The following ADCY3 variants were observed in gnomAD, a reference collection of about 807,000 sequenced individuals.
The protein encoded by ADCY3 is adenylate cyclase 3.
In ADCY3, 70 loss-of-function variants were observed where a neutral mutation model predicts 119.4. That is an observed-to-expected ratio of 0.59 (90% confidence interval 0.48 to 0.72). The LOEUF (loss-of-function observed/expected upper bound fraction) is 0.72, where lower values mean the gene tolerates loss of function less well. ADCY3 is among the 30% of genes least tolerant of loss of function. ADCY3 has a pLI of 0.00. For synonymous variants in ADCY3, 672 were observed against 621.4 expected (o/e 1.08, Z -1.21); for missense variants, 1,238 against 1,541.6 (o/e 0.80, Z 3.30).
intron 8 of ADCY3, among the ~76,000 whole-genome samples, chr2:24,838,141 C>A (rs1453540141): frequency 6.6e-6 from 1 of 151,398 alleles, no homozygotes; most frequent in African/African-American, 2.4e-5. Context: ...TGCAGGAGAC[C>A]CTGAGCCCCA....
At chr2:24,913,478 G>A (rs1294368841) in intron 2 of ADCY3, among the ~76,000 whole-genome samples, 1 of 152,204 alleles carries the variant, frequency 6.6e-6, no homozygotes, top group Non-Finnish European at 1.5e-5. Flanking sequence ...GAGAAAGAGA[G>A]GCTTTCAGGG....
At chr2:24,826,397 C>G (rs1439367446) in intron 15 of ADCY3, 2 of 394,044 alleles carry the variant, frequency 5.1e-6, no homozygotes, top group Non-Finnish European at 4.6e-6. Flanking sequence ...TTAAGAAACA[C>G]TGCATTGCCT....
rs1675128432 is a variant in ADCY3 at position 24,872,395 on chromosome 2, C to G, written c.825+175G>C. The stretch of plus-strand genomic sequence containing the variant: ...TGAGAGGCTCCCTGAAGCTCAGAAG[C>G]TGCCCTCTAATAGTGAGGAGCCCAG... On this transcript the variant is annotated intron_variant, in intron 3 of 21. Coordinates refer to ENST00000679454, the MANE Select transcript of ADCY3 (RefSeq NM_004036.5). The surrounding 1 kb of genome is among the most constrained non-coding windows in gnomAD (Gnocchi z 4.4). Among the ~76,000 whole-genome samples, 1 of 152,206 alleles carries G rather than the reference C, an allele frequency of 6.6e-6. No homozygotes were observed. The highest frequency in any genetic ancestry group is 1.5e-5 in the Non-Finnish European group (1 of 68,038).
At chr2:24,833,559 C>T (rs576255174) in intron 11 of ADCY3, among the ~76,000 whole-genome samples, 8 of 152,354 alleles carry the variant, frequency 5.3e-5, no homozygotes, top group East Asian at 1.9e-4. Flanking sequence ...TACTTACTCT[C>T]GCATGGATGC....
chr2:24,886,929 C>T lies in ADCY3; in HGVS notation c.676-14210G>A, dbSNP rs537045859. Among the ~76,000 whole-genome samples, 3 of 152,286 alleles carry T rather than the reference C, an allele frequency of 2.0e-5. No homozygotes were observed. The South Asian group carries it at 6.2e-4, about 32-fold the overall frequency. On this transcript the variant is annotated intron_variant, in intron 2 of 21. Transcript: ENST00000679454. ...GGCTGGCACAAAGGGGTGCAAATCA[C>T]CAACTCGACAGTCCCCCACAAGTGA... is the stretch of plus-strand genomic sequence containing the variant.
intron 2 of ADCY3, among the ~76,000 whole-genome samples, chr2:24,911,333 C>T (rs1160030531): frequency 2.7e-5 from 4 of 150,086 alleles, no homozygotes; most frequent in Non-Finnish European, 4.4e-5. Context: ...CCATCCCCCT[C>T]CCCAGCCTCC....
rs558287347 is a variant in ADCY3, at chr2:24,829,642, T to C, written c.2172+1067A>G. Among the ~76,000 whole-genome samples the C allele has an allele frequency of 3.1e-3, 466 of 151,346 alleles. 1 individual carries two copies. The highest frequency in any genetic ancestry group is 9.9e-3 in the African/African-American group (407 of 41,168). On this transcript the variant is annotated intron_variant, in intron 13 of 21. Coordinates refer to ENST00000679454, the MANE Select transcript of ADCY3 (RefSeq NM_004036.5). ...TTCAACTGTGTTAGCCAGGATGATT[T>C]CGATCTCCTGACCTCGTGATCCGCC... is the stretch of plus-strand genomic sequence containing the variant.
chr2:24,850,979 G>A (rs1230783372), intron 3 of ADCY3, among the ~76,000 whole-genome samples: 3 of 152,226 alleles, frequency 2.0e-5, no homozygotes, highest in South Asian at 2.1e-4. Context: ...TTGGACGACC[G>A]AATTAGGGAA....
chr2:24,841,419 C>T lies in ADCY3; in HGVS notation c.1069-33G>A, dbSNP rs758381879. 2 of 1,607,528 alleles carry T rather than the reference C, an allele frequency of 1.2e-6. No individual in the cohort carries two copies. Among genetic ancestry groups the T allele is most frequent in the Admixed American group, 1.7e-5 (1 of 59,088 alleles). Reference sequence around the variant, plus strand: ...GGGAGGGCCTGGCCTGTGCTCCAGCCCCTCCTCAGTGAGGGAGGAGTGGCC... The same window carrying T: ...GGGAGGGCCTGGCCTGTGCTCCAGCTCCTCCTCAGTGAGGGAGGAGTGGCC... On this transcript the variant is annotated intron_variant, in intron 5 of 21. Transcript: ENST00000679454. This position sits in a 1 kb window ranked among gnomAD's most constrained non-coding sequence, Gnocchi z 5.8.
rs139447859 is a variant in ADCY3, at chr2:24,828,985, C to T, written c.2173-824G>A. Among the ~76,000 whole-genome samples the T allele has an allele frequency of 4.8e-4, 73 of 152,102 alleles. 2 individuals are homozygous for T. In the East Asian group the frequency reaches 0.012, roughly 24 times the overall value. ...CTGGCCAAGGTAGGCTCTGGAGCCC[C>T]TAACTCCTCATTCCCAGTAGACTTA... is the stretch of plus-strand genomic sequence containing the variant. On this transcript the variant is annotated intron_variant, in intron 13 of 21. Transcript: ENST00000679454.
chr2:24,832,067 G>A (rs1265022831), intron 11 of ADCY3: 1 of 74,882 alleles, frequency 1.3e-5, no homozygotes, highest in Non-Finnish European at 3.3e-5. Flanking sequence ...AAGGGGGCAG[G>A]GGGCAGGGGA....
intron 6 of ADCY3, chr2:24,840,433 G>A: frequency 1.8e-5 from 7 of 397,456 alleles, no homozygotes; most frequent in South Asian, 1.2e-4. Context: ...GTCTGACAGG[G>A]CAGGGAGAGA....
intron 2 of ADCY3, among the ~76,000 whole-genome samples, chr2:24,881,924 A>G (rs1022283794): frequency 2.0e-5 from 3 of 152,200 alleles, no homozygotes; most frequent in Non-Finnish European, 4.4e-5. Flanking sequence ...GGCAGCCCCC[A>G]CCACAAAGAA....
chr2:24,907,345 T>C (rs909811383), intron 2 of ADCY3, among the ~76,000 whole-genome samples: 1 of 152,018 alleles, frequency 6.6e-6, no homozygotes, highest in Non-Finnish European at 1.5e-5. Flanking sequence ...ACCCCAGACA[T>C]GGAAATCTTG....
rs1387844711 is a variant in ADCY3, at chr2:24,843,649, G to A, written c.826-1265C>T. 2.6e-5 allele frequency among the ~76,000 whole-genome samples: 4 copies of A among 152,236 alleles called. No individual in the cohort carries two copies. In the East Asian group the frequency reaches 7.7e-4, roughly 29 times the overall value. On this transcript the variant is annotated intron_variant, in intron 3 of 21. Transcript: ENST00000679454. Reference sequence around the variant, plus strand: ...TTGTCAGAAGAGGTCTGTGGCTTGGGCGGTGCCGGTCTCTGGAACAGGGAA... The same window carrying A: ...TTGTCAGAAGAGGTCTGTGGCTTGGACGGTGCCGGTCTCTGGAACAGGGAA...
rs192318489 is a variant in ADCY3 at position 24,900,201 on chromosome 2, C to T, written c.675+18112G>A. On this transcript the variant is annotated intron_variant, in intron 2 of 21. Coordinates refer to ENST00000679454, the MANE Select transcript of ADCY3 (RefSeq NM_004036.5). ...TCTCGACTCACTGCAACCTCCGCCT[C>T]CCAGGTTCAAGCAATTCTCCTGTCT... 3.9e-3 allele frequency among the ~76,000 whole-genome samples: 578 copies of T among 148,756 alleles called. 3 individuals are homozygous for T. Among genetic ancestry groups the T allele is most frequent in the African/African-American group, 0.013 (537 of 40,536 alleles).
chr2:24,864,981 T>C (rs1674105925), intron 3 of ADCY3, among the ~76,000 whole-genome samples: 1 of 152,260 alleles, frequency 6.6e-6, no homozygotes, highest in Admixed American at 6.5e-5. Flanking sequence ...TATACTATGA[T>C]ATAATAAATA....
In ADCY3 at chr2:24,842,498, G is replaced by A; in HGVS notation, c.826-114C>T. On this transcript the variant is annotated intron_variant, in intron 3 of 21. Transcript: ENST00000679454. This position sits in a 1 kb window ranked among gnomAD's most constrained non-coding sequence, Gnocchi z 4.9. ...GCAAGAAACGTGAGCAGGGAACCAT[G>A]CTGCCCTCCAGAGAGACCTCACAGA... The A allele has an allele frequency of 1.5e-6, 2 of 1,377,798 alleles. No homozygotes were observed. Among genetic ancestry groups the A allele is most frequent in the African/African-American group, 1.4e-5 (1 of 70,214 alleles). The allele number at this position is 1,377,798 out of a possible 1,614,324, so 85.3% of individuals were successfully genotyped here. A position where few individuals can be genotyped will look rare whatever the true frequency, so the allele number is the denominator to read the frequency against.
At chr2:24,844,210 C>T (rs973653758) in intron 3 of ADCY3, among the ~76,000 whole-genome samples, 5 of 152,198 alleles carry the variant, frequency 3.3e-5, no homozygotes, top group African/African-American at 4.8e-5. Flanking sequence ...TGGCCAGGCC[C>T]GTGTCGCCAT....
Sources: gnomAD v4.1 joint callset for allele counts (sites outside exome capture counted in the v4.1 genomes callset) on GRCh38, gnomAD v4.1.1 for gene constraint, Gnocchi (gnomAD v3.1) non-coding constraint, MANE v1.5 for transcripts, NCBI Gene and HGNC (gene_info 2026-07-23, HGNC 2026-07-21) for gene names.